PEX14: variants seen among roughly 807,000 people sequenced by gnomAD.
PEX14 encodes peroxisomal membrane protein PEX14.
Under a neutral mutation model 49.5 loss-of-function variants are expected in PEX14, and 15 were observed. That is an observed-to-expected ratio of 0.30 (90% CI 0.20 to 0.47). The LOEUF (loss-of-function observed/expected upper bound fraction) is 0.47. PEX14 is among the 20% of genes least tolerant of loss of function. The pLI is 1.00. For missense variants in PEX14, 398 were observed against 494.8 expected (o/e 0.80, Z 1.86); for synonymous variants, 210 against 212.7 (o/e 0.99, Z 0.11).
chr1:10,627,727 G>A lies in PEX14; in HGVS notation c.677+364G>A, dbSNP rs906722914. Among the ~76,000 whole-genome samples the A allele has an allele frequency of 2.2e-4, 33 of 152,334 alleles. 1 individual carries two copies. Among genetic ancestry groups the A allele is most frequent in the African/African-American group, 6.7e-4 (28 of 41,580 alleles). On this transcript the variant is annotated intron_variant, in intron 8 of 8. Transcript: ENST00000356607. ...CACTCAGTGACAGCTTTGTCCCAGG[G>A]AAAGCCCCTGCGGGAGAGTCTTTGT...
chr1:10,519,316 G>A (rs1642025749), intron 2 of PEX14, among the ~76,000 whole-genome samples: 1 of 152,166 alleles, frequency 6.6e-6, no homozygotes, highest in Non-Finnish European at 1.5e-5. Flanking sequence ...GCCTCACTAA[G>A]TGGCCATAGC....
chr1:10,625,689 C>G (rs1641724784), intron 7 of PEX14, among the ~76,000 whole-genome samples: 1 of 152,254 alleles, frequency 6.6e-6, no homozygotes, highest in East Asian at 1.9e-4. Flanking sequence ...ACAGCCCTGC[C>G]TGCTCTCCTG....
At position 10,623,093 on chromosome 1, in the gene PEX14, T is replaced by C. The variant is rs1340322170; in HGVS notation, c.459T>C (p.Ser153=). The C allele has an allele frequency of 3.1e-6, 5 of 1,613,780 alleles. No homozygotes were observed. Among genetic ancestry groups the C allele is most frequent in the Non-Finnish European group, 4.2e-6 (5 of 1,179,832 alleles). ...KQLERMEAGL[S]ELSGSVAQTV... ...TGGAGAGGATGGAGGCCGGTCTCTC[T>C]GAGCTGAGTGGCAGCGTGGCCCAGA... is the stretch of plus-strand genomic sequence containing the variant. Residue 153 remains serine, a synonymous_variant, in exon 6 of 9, where the codon TCT becomes TCC. Coordinates refer to ENST00000356607, the MANE Select transcript of PEX14 (RefSeq NM_004565.3). This position sits in a 1 kb window ranked among gnomAD's most constrained non-coding sequence, Gnocchi z 4.4.
In PEX14 at chr1:10,480,868, TA is replaced by T. The variant is rs200744193; in HGVS notation, c.36+5867del. On this transcript the variant is annotated intron_variant, in intron 1 of 8. Transcript: ENST00000356607. The stretch of plus-strand genomic sequence containing the variant: ...CTCTCTCTCTCTCTCTCTATATATA[TA>T]TTTTTTTTTTTGGAAGGATTTGTGG... Among the ~76,000 whole-genome samples, 498 of 145,060 alleles carry T rather than the reference TA, an allele frequency of 3.4e-3. 2 individuals are homozygous for T. The highest frequency in any genetic ancestry group is 7.2e-3 in the African/African-American group (277 of 38,444).
chr1:10,547,406 G>C (rs1203685613), intron 3 of PEX14, among the ~76,000 whole-genome samples: 1 of 152,114 alleles, frequency 6.6e-6, no homozygotes, highest in Non-Finnish European at 1.5e-5. Flanking sequence ...CAGAACTCTA[G>C]CTGCCATGGA....
intron 2 of PEX14, among the ~76,000 whole-genome samples, chr1:10,520,595 A>G (rs1638255740): frequency 1.3e-5 from 2 of 152,246 alleles, no homozygotes; most frequent in Admixed American, 6.5e-5. Context: ...ATGTTGGAGC[A>G]GAAAGAAACA....
chr1:10,580,937 C>T (rs1397656413), intron 3 of PEX14, among the ~76,000 whole-genome samples: 6 of 152,094 alleles, frequency 3.9e-5, no homozygotes, highest in Non-Finnish European at 8.8e-5. Flanking sequence ...TGACTCATAG[C>T]TATTAAGTGT....
intron 3 of PEX14, among the ~76,000 whole-genome samples, chr1:10,572,518 T>C (rs1640006001): frequency 1.3e-5 from 2 of 152,174 alleles, no homozygotes. Context: ...CATGTGTCAC[T>C]GGATGACAGA....
At chr1:10,551,666 C>T (rs1485497969) in intron 3 of PEX14, among the ~76,000 whole-genome samples, 2 of 152,162 alleles carry the variant, frequency 1.3e-5, no homozygotes, top group African/African-American at 2.4e-5. Flanking sequence ...AGTTAGTTCT[C>T]GCTATTCACT....
intron 3 of PEX14, among the ~76,000 whole-genome samples, chr1:10,585,683 G>A (rs1367415514): frequency 1.3e-5 from 2 of 152,240 alleles, no homozygotes; most frequent in Non-Finnish European, 2.9e-5. Context: ...ACTTCGGGAG[G>A]CCGAGGTGAG....
At chr1:10,563,078 A>ATT (rs70997252) in intron 3 of PEX14, among the ~76,000 whole-genome samples, 1 of 129,538 alleles carries the variant, frequency 7.7e-6, no homozygotes, top group African/African-American at 2.9e-5. Context: ...TGCCTGGCTA[A>ATT]TTTTTTTTTT....
chr1:10,501,502 C>T (rs58975800), intron 2 of PEX14, among the ~76,000 whole-genome samples: 17,374 of 152,044 alleles, frequency 0.11, 1,260 homozygotes, highest in South Asian at 0.25. Flanking sequence ...GGGGTTTCAC[C>T]GTGTTAGCCA....
At chr1:10,610,055 TATA>T (rs908362023) in intron 4 of PEX14, among the ~76,000 whole-genome samples, 1 of 148,312 alleles carries the variant, frequency 6.7e-6, no homozygotes, top group Non-Finnish European at 1.5e-5. Flanking sequence ...TATAAATACA[TATA>T]ATTTTATTCA....
rs1055188540 is a variant in PEX14, at chr1:10,567,615, C to T, written c.169+31318C>T. On this transcript the variant is annotated intron_variant, in intron 3 of 8. Coordinates refer to ENST00000356607, the MANE Select transcript of PEX14 (RefSeq NM_004565.3). Reference sequence around the variant, plus strand: ...ACTGAAGTGGTTCTCCTGCCTCTGCCTCCCAAGTGGCTGGGATTACACGCA... The same window carrying T: ...ACTGAAGTGGTTCTCCTGCCTCTGCTTCCCAAGTGGCTGGGATTACACGCA... Among the ~76,000 whole-genome samples the T allele has an allele frequency of 6.6e-5, 10 of 152,220 alleles. No homozygotes were observed. The South Asian group carries it at 8.3e-4, about 13-fold the overall frequency.
chr1:10,514,156 C>CTGTGTG lies in PEX14; in HGVS notation c.84+18873_84+18878dup, dbSNP rs56306413. ...AAAATGTATAAAATAATCTATGCCT[C>CTGTGTG]TGTGTGTGTGTGTGTGTGTGTGTGT... On this transcript the variant is annotated intron_variant, in intron 2 of 8. Coordinates refer to ENST00000356607, the MANE Select transcript of PEX14 (RefSeq NM_004565.3). This position sits in a 1 kb window ranked among gnomAD's most constrained non-coding sequence, Gnocchi z 4.4. Among the ~76,000 whole-genome samples, 9,249 of 143,140 alleles carry CTGTGTG rather than the reference C, an allele frequency of 0.065. 394 individuals are homozygous for CTGTGTG. Among genetic ancestry groups the CTGTGTG allele is most frequent in the Non-Finnish European group, 0.09 (5,869 of 65,024 alleles). The allele number at this position is 143,140 out of a possible 152,430, so 93.9% of individuals were successfully genotyped here. A position where few individuals can be genotyped will look rare whatever the true frequency, so the allele number is the denominator to read the frequency against.
Position 10,613,403 on chromosome 1 carries a change from A to G in PEX14, c.299-4929A>G, listed in dbSNP as rs1045376377. 1.3e-5 allele frequency among the ~76,000 whole-genome samples: 2 copies of G among 152,170 alleles called. No individual in the cohort carries two copies. The highest frequency in any genetic ancestry group is 4.8e-5 in the African/African-American group (2 of 41,444). ...ACCTCCATGGAGCCGGGCAGAGCTT[A>G]AGCTAGTTCGTGGAGTCCTTGGAAG... On this transcript the variant is annotated intron_variant, in intron 4 of 8. Transcript: ENST00000356607. The surrounding 1 kb of genome is among the most constrained non-coding windows in gnomAD (Gnocchi z 5.0).
intron 3 of PEX14, among the ~76,000 whole-genome samples, chr1:10,537,274 G>A (rs1023100788): frequency 1.3e-5 from 2 of 148,810 alleles, no homozygotes; most frequent in Non-Finnish European, 2.9e-5. Context: ...CAGCCCCAAG[G>A]CTGGGTCCCT....
At position 10,630,196 on chromosome 1, in the gene PEX14, C is replaced by G; in HGVS notation, c.*209C>G. 1 of 719,930 alleles carries G rather than the reference C, an allele frequency of 1.4e-6. No homozygotes were observed. The highest frequency in any genetic ancestry group is 2.2e-6 in the Non-Finnish European group (1 of 447,852). 44.6% of individuals were successfully genotyped at this position (719,930 alleles called of 1,614,324 possible). A position where few individuals can be genotyped will look rare whatever the true frequency, so the allele number is the denominator to read the frequency against. On this transcript the variant is annotated 3_prime_UTR_variant, in exon 9 of 9. Coordinates refer to ENST00000356607, the MANE Select transcript of PEX14 (RefSeq NM_004565.3). The surrounding 1 kb of genome is among the most constrained non-coding windows in gnomAD (Gnocchi z 4.1). ...TCTCGCCTGGCCGCCAGCCCCAGCC[C>G]CAGCCCCAGCCCCAGGCCCAGCTGC...
intron 1 of PEX14, among the ~76,000 whole-genome samples, chr1:10,479,296 G>C (rs1213306441): frequency 6.6e-6 from 1 of 152,136 alleles, no homozygotes; most frequent in Non-Finnish European, 1.5e-5. Flanking sequence ...AGCATCACTT[G>C]GGCCTGGGAG....
Sources: gnomAD v4.1 joint callset for allele counts (sites outside exome capture counted in the v4.1 genomes callset) on GRCh38, gnomAD v4.1.1 for gene constraint, Gnocchi (gnomAD v3.1) non-coding constraint, MANE v1.5 for transcripts, NCBI Gene and HGNC (gene_info 2026-07-23, HGNC 2026-07-21) for gene names.